Variants in INPP5A observed in about 807,000 individuals in gnomAD.
The protein encoded by INPP5A is inositol polyphosphate-5-phosphatase A.
A neutral mutation model predicts 65.2 loss-of-function variants in INPP5A; 14 were observed. The ratio of observed to expected loss-of-function variants is 0.21; its 90% CI spans 0.14 to 0.34. The LOEUF is 0.34. Ranked by LOEUF, INPP5A falls within the 10% of genes least tolerant of loss-of-function variation. The pLI, the probability that INPP5A is intolerant of heterozygous loss-of-function variation, is 1.00. For missense variants in INPP5A, 431 were observed against 545.6 expected (o/e 0.79, Z 2.09); for synonymous variants, 207 against 208.3 (o/e 0.99, Z 0.05).
intron 8 of INPP5A, among the ~76,000 whole-genome samples, chr10:132,714,677 CACCGTTGCTCTAAACCTA>C (rs1215141859): frequency 6.6e-6 from 1 of 152,022 alleles, no homozygotes; most frequent in Non-Finnish European, 1.5e-5. Context: ...AGGACCTTCG[CACCGTTGCTCTAAACCTA>C]AACGCATTCC....
At chr10:132,729,128 T>G (rs1564987517) in intron 9 of INPP5A, among the ~76,000 whole-genome samples, 2 of 152,214 alleles carry the variant, frequency 1.3e-5, no homozygotes, top group Admixed American at 1.3e-4. Flanking sequence ...GCAACTCCTA[T>G]GAAGGACTGC....
intron 8 of INPP5A, among the ~76,000 whole-genome samples, chr10:132,716,871 C>T (rs1322389142): frequency 6.6e-6 from 1 of 152,260 alleles, no homozygotes; most frequent in Non-Finnish European, 1.5e-5. Context: ...AGCCCTCCTG[C>T]CGCCCTGCAC....
rs1172602501 is a variant in INPP5A at position 132,678,558 on chromosome 10, C to G, written c.307-11834C>G. 6.6e-6 allele frequency among the ~76,000 whole-genome samples: 1 copy of G among 152,120 alleles called. No individual in the cohort carries two copies. The highest frequency in any genetic ancestry group is 6.5e-5 in the Admixed American group (1 of 15,268). ...TGAGCTGAGGGTTCTGTCCAGCGGTCCTGAGCTGCTGCTGCTCAGCCGGGC... is the reference window on the plus strand; with the variant it reads ...TGAGCTGAGGGTTCTGTCCAGCGGTGCTGAGCTGCTGCTGCTCAGCCGGGC... On this transcript the variant is annotated intron_variant, in intron 4 of 15. Coordinates refer to ENST00000368594, the MANE Select transcript of INPP5A (RefSeq NM_005539.5). The surrounding 1 kb of genome is among the most constrained non-coding windows in gnomAD (Gnocchi z 4.1).
At position 132,771,865 on chromosome 10, in the gene INPP5A, A is replaced by G. The variant is rs112388899; in HGVS notation, c.978-5806A>G. ...CACTGACACGGAGGCCACAGCAGCC[A>G]CCCCGCGAAGAGTGGGACAGACACT... On this transcript the variant is annotated intron_variant, in intron 12 of 15. Coordinates refer to ENST00000368594, the MANE Select transcript of INPP5A (RefSeq NM_005539.5). 3.6e-3 allele frequency among the ~76,000 whole-genome samples: 348 copies of G among 95,688 alleles called. 34 individuals are homozygous for G. In the East Asian group the frequency reaches 0.048, roughly 13 times the overall value. 62.8% of individuals were successfully genotyped at this position (95,688 alleles called of 152,430 possible). A position where few individuals can be genotyped will look rare whatever the true frequency, so the allele number is the denominator to read the frequency against.
Position 132,726,843 on chromosome 10 carries a change from A to T in INPP5A, c.670A>T (p.Lys224Ter). ...CAGAATCATTGATCAGCGATTCGAG[A>T]AGGTTTCCTACTTTGTATTTGGTGA... is the stretch of plus-strand genomic sequence containing the variant. ...LDRIIDQRFEKVSYFVFGDFN... is the reference protein window; with the variant it reads ...LDRIIDQRFE Residue 224 changes from lysine to a stop codon, truncating the protein, a stop_gained, in exon 9 of 16, where the codon AAG becomes TAG. Coordinates refer to ENST00000368594, the MANE Select transcript of INPP5A (RefSeq NM_005539.5). LOFTEE classifies it high-confidence loss of function. 6.2e-7 allele frequency: 1 copy of T among 1,604,934 alleles called. No individual in the cohort carries two copies. Among genetic ancestry groups the T allele is most frequent in the Non-Finnish European group, 8.5e-7 (1 of 1,173,334 alleles).
rs1360428726 is a variant in INPP5A, at chr10:132,659,985, CACA to C, written c.306+9484_306+9486del. On this transcript the variant is annotated intron_variant, in intron 4 of 15. Coordinates refer to ENST00000368594, the MANE Select transcript of INPP5A (RefSeq NM_005539.5). This position sits in a 1 kb window ranked among gnomAD's most constrained non-coding sequence, Gnocchi z 5.5. ...CTGTGACATGGCACATGACACGTGA[CACA>C]ACACATTCTCATGCTCCGCCGACGC... is the stretch of plus-strand genomic sequence containing the variant. Among the ~76,000 whole-genome samples, 2 of 152,274 alleles carry C rather than the reference CACA, an allele frequency of 1.3e-5. No homozygotes were observed. The highest frequency in any genetic ancestry group is 2.9e-5 in the Non-Finnish European group (2 of 68,046).
chr10:132,586,620 G>A (rs2071548297), intron 1 of INPP5A, among the ~76,000 whole-genome samples: 1 of 152,266 alleles, frequency 6.6e-6, no homozygotes, highest in East Asian at 1.9e-4. Flanking sequence ...GGGCTCCTGT[G>A]AAGTCACTGG....
intron 2 of INPP5A, among the ~76,000 whole-genome samples, chr10:132,609,223 A>G (rs1232643514): frequency 6.6e-6 from 1 of 152,238 alleles, no homozygotes; most frequent in East Asian, 1.9e-4. Context: ...ATATTTACAA[A>G]TCGAAATAAT....
chr10:132,773,061 C>T (rs1212487477), intron 12 of INPP5A, among the ~76,000 whole-genome samples: 1 of 152,258 alleles, frequency 6.6e-6, no homozygotes, highest in Non-Finnish European at 1.5e-5. Context: ...CGGGGAATCA[C>T]CTCCCACCGC....
At chr10:132,771,745 A>G (rs61860777) in intron 12 of INPP5A, among the ~76,000 whole-genome samples, 479 of 34,178 alleles carry the variant, frequency 0.014, 2 homozygotes, top group East Asian at 0.022. Flanking sequence ...GCACTGACAC[A>G]GAGGCCACAG....
At chr10:132,620,249 T>G (rs1394549073) in intron 2 of INPP5A, among the ~76,000 whole-genome samples, 1 of 152,268 alleles carries the variant, frequency 6.6e-6, no homozygotes, top group Non-Finnish European at 1.5e-5. Flanking sequence ...TCCTTTTTAG[T>G]TATGCAAATA....
chr10:132,625,061 G>A (rs999026941), intron 2 of INPP5A, among the ~76,000 whole-genome samples: 22 of 151,526 alleles, frequency 1.5e-4, no homozygotes, highest in African/African-American at 4.4e-4. Context: ...TCCTGCCTCA[G>A]TTTTCTCACA....
intron 1 of INPP5A, among the ~76,000 whole-genome samples, chr10:132,558,026 A>G (rs1590827237): frequency 6.6e-6 from 1 of 152,326 alleles, no homozygotes; most frequent in Non-Finnish European, 1.5e-5. Context: ...GAAAGTGAGA[A>G]GATTCTCACC....
chr10:132,714,238 GCGGCGCGCTCAGC>G (rs1845699914), intron 8 of INPP5A, among the ~76,000 whole-genome samples: 1 of 152,202 alleles, frequency 6.6e-6, no homozygotes, highest in African/African-American at 2.4e-5. Context: ...AATGGCTCCT[GCGGCGCGCTCAGC>G]CAGCCGCAGA....
At chr10:132,654,694 A>C (rs2072628611) in intron 4 of INPP5A, among the ~76,000 whole-genome samples, 1 of 152,254 alleles carries the variant, frequency 6.6e-6, no homozygotes, top group African/African-American at 2.4e-5. Context: ...GTCTGGTTCA[A>C]ATAATAGGCC....
chr10:132,617,651 G>A (rs1428127676), intron 2 of INPP5A, among the ~76,000 whole-genome samples: 1 of 152,232 alleles, frequency 6.6e-6, no homozygotes, highest in Non-Finnish European at 1.5e-5. Context: ...GAAGCTTCTG[G>A]CTATCTGTGC....
At chr10:132,607,373 TC>T (rs1226636325) in intron 1 of INPP5A, among the ~76,000 whole-genome samples, 6 of 152,242 alleles carry the variant, frequency 3.9e-5, no homozygotes, top group African/African-American at 1.4e-4. Context: ...GCAAGTGCTT[TC>T]TGAAGATTCT....
intron 1 of INPP5A, among the ~76,000 whole-genome samples, chr10:132,560,252 G>A (rs1202884048): frequency 2.6e-5 from 4 of 152,128 alleles, no homozygotes; most frequent in Non-Finnish European, 5.9e-5. Context: ...GAATTGCTGG[G>A]TCACGATGTG....
chr10:132,742,982 C>T (rs1401763514), intron 9 of INPP5A, among the ~76,000 whole-genome samples: 4 of 152,262 alleles, frequency 2.6e-5, no homozygotes, highest in Non-Finnish European at 5.9e-5. Context: ...CCCCGCGCCC[C>T]CTTTGTCCCC....
Sources: gnomAD v4.1 joint callset for allele counts (sites outside exome capture counted in the v4.1 genomes callset) on GRCh38, gnomAD v4.1.1 for gene constraint, Gnocchi (gnomAD v3.1) non-coding constraint, MANE v1.5 for transcripts, NCBI Gene and HGNC (gene_info 2026-07-23, HGNC 2026-07-21) for gene names.